The following RAD18 variants were observed in gnomAD, a reference collection of about 807,000 sequenced individuals.
RAD18 encodes RAD18 E3 ubiquitin protein ligase.
RAD18 carries 47 observed loss-of-function variants against 60.4 expected under a neutral mutation model. The ratio of observed to expected loss-of-function variants is 0.78; its 90% CI spans 0.62 to 0.99. The LOEUF is 0.99. Among genes scored for constraint, RAD18 ranks in the 50% least tolerant of loss-of-function variants. RAD18 has a pLI of 0.00. For missense variants in RAD18, 640 were observed against 593.3 expected (o/e 1.08, Z -0.82); for synonymous variants, 225 against 195.5 (o/e 1.15, Z -1.26).
intron 2 of RAD18, among the ~76,000 whole-genome samples, chr3:8,949,120 A>G (rs1184102472): frequency 6.6e-6 from 1 of 152,216 alleles, no homozygotes. Flanking sequence ...ATTACAGCAT[A>G]ATTCCGCATA....
At chr3:8,960,440 T>C (rs1387595185) in intron 1 of RAD18, among the ~76,000 whole-genome samples, 1 of 152,198 alleles carries the variant, frequency 6.6e-6, no homozygotes, top group Admixed American at 6.5e-5. Flanking sequence ...TTATTTTATG[T>C]GTATTTTGAA....
chr3:8,901,672 A>T (rs1400302793), intron 10 of RAD18, among the ~76,000 whole-genome samples: 1 of 152,172 alleles, frequency 6.6e-6, no homozygotes, highest in East Asian at 1.9e-4. Context: ...TTGCTATTTC[A>T]TGAGTGCAAA....
intron 11 of RAD18, among the ~76,000 whole-genome samples, chr3:8,895,637 C>CT (rs58646500): frequency 2.6e-5 from 4 of 151,648 alleles, no homozygotes; most frequent in Non-Finnish European, 4.4e-5. Context: ...TACTTGCTCT[C>CT]TTTTTTTTTT....
chr3:8,955,539 A>T (rs1230574278), intron 2 of RAD18, among the ~76,000 whole-genome samples: 1 of 152,120 alleles, frequency 6.6e-6, no homozygotes, highest in Non-Finnish European at 1.5e-5. Context: ...CAACATTTGA[A>T]CTTTTCAAAG....
At position 8,963,354 on chromosome 3, in the gene RAD18, G is replaced by A. The variant is rs1287259678; in HGVS notation, c.32C>T (p.Pro11Leu). 3.1e-6 allele frequency: 5 copies of A among 1,611,470 alleles called. No homozygotes were observed. The South Asian group carries it at 4.4e-5, about 14-fold the overall frequency. Residue 11 changes from proline (P) to leucine (L), a missense_variant, in exon 1 of 13, where the codon CCG (proline) becomes CTG (leucine). Physicochemically the swap from Pro to Leu is moderately conservative, Grantham distance 98. Coordinates refer to ENST00000264926, the MANE Select transcript of RAD18 (RefSeq NM_020165.4). MDSLAESRWP[P>L]GLAVMKTIDD... is the part of the protein sequence containing the mutation. ...ACTCACCTTCATGACTGCCAGGCCC[G>A]GAGGCCACCGAGACTCGGCCAGGGA...
chr3:8,919,367 G>A (rs573524679), intron 7 of RAD18, among the ~76,000 whole-genome samples: 2 of 151,868 alleles, frequency 1.3e-5, no homozygotes, highest in East Asian at 3.9e-4. Flanking sequence ...GGAAAATCAC[G>A]ACTCGAATGA....
At chr3:8,902,268 C>A in intron 10 of RAD18, 112 bp downstream of exon 10, 1 of 1,023,458 alleles carries the variant, frequency 9.8e-7, no homozygotes, top group Non-Finnish European at 1.3e-6. Context: ...AATACTTTTT[C>A]TCATTTCAAA....
chr3:8,913,963 G>GAGTCA (rs2307528), intron 7 of RAD18, among the ~76,000 whole-genome samples: 108,608 of 151,476 alleles, frequency 0.72, 39,375 homozygotes, highest in Middle Eastern at 0.77. Context: ...ATAACCACAA[G>GAGTCA]AGTCAAGTCA....
In RAD18 at chr3:8,903,964, C is replaced by T. The variant is rs556145537; in HGVS notation, c.1028-1444G>A. Among the ~76,000 whole-genome samples the T allele has an allele frequency of 9.9e-5, 15 of 152,038 alleles. No individual in the cohort carries two copies. In the South Asian group the frequency reaches 2.9e-3, roughly 30 times the overall value. ...TATGGCATTGTCTAAATCTACTCTC[C>T]CAAGATTCCAGCCATTCACTGCCTT... On this transcript the variant is annotated intron_variant, in intron 9 of 12. Transcript: ENST00000264926.
intron 7 of RAD18, among the ~76,000 whole-genome samples, chr3:8,913,927 T>C (rs1940152239): frequency 6.6e-6 from 1 of 151,596 alleles, no homozygotes; most frequent in Non-Finnish European, 1.5e-5. Context: ...CACTGAACTC[T>C]TACACATGCA....
chr3:8,905,912 C>T (rs929465868), intron 9 of RAD18, among the ~76,000 whole-genome samples: 2 of 152,190 alleles, frequency 1.3e-5, no homozygotes, highest in Admixed American at 6.5e-5. Flanking sequence ...ATCTTCCAAG[C>T]ACCAATATAC....
rs45527635 is a variant in RAD18 at position 8,889,658 on chromosome 3, G to A, written c.1385+731C>T. On this transcript the variant is annotated intron_variant, in intron 12 of 12. Transcript: ENST00000264926. ...GTGGGAGAGAGCTTTTCATGCAGGA[G>A]GACCTAAGACATCTATATGATGAAG... 3.0e-4 allele frequency among the ~76,000 whole-genome samples: 45 copies of A among 152,222 alleles called. No homozygotes were observed. The East Asian group carries it at 8.5e-3, about 29-fold the overall frequency.
intron 9 of RAD18, among the ~76,000 whole-genome samples, chr3:8,905,598 A>G (rs1939989776): frequency 6.6e-6 from 1 of 152,228 alleles, no homozygotes. Context: ...ATAGCCAACC[A>G]GCTAAATGTG....
Position 8,922,258 on chromosome 3 carries a change from C to T in RAD18, c.890-8538G>A, listed in dbSNP as rs560519368. Reference sequence around the variant, plus strand: ...CCACCCTACTACTGCACTTCTCCAACGGTCTTAGCAAACAGCGCACCAGGA... The same window carrying T: ...CCACCCTACTACTGCACTTCTCCAATGGTCTTAGCAAACAGCGCACCAGGA... On this transcript the variant is annotated intron_variant, in intron 7 of 12. Coordinates refer to ENST00000264926, the MANE Select transcript of RAD18 (RefSeq NM_020165.4). 1.8e-4 allele frequency among the ~76,000 whole-genome samples: 28 copies of T among 152,350 alleles called. No homozygotes were observed. The South Asian group carries it at 2.9e-3, about 16-fold the overall frequency.
At chr3:8,883,840 A>G (rs952219255) in intron 12 of RAD18, among the ~76,000 whole-genome samples, 32 of 152,168 alleles carry the variant, frequency 2.1e-4, no homozygotes, top group African/African-American at 6.8e-4. Flanking sequence ...GTTATCTACC[A>G]CCTCAGACAG....
intron 7 of RAD18, among the ~76,000 whole-genome samples, chr3:8,929,023 C>A (rs982261894): frequency 5.3e-5 from 8 of 151,962 alleles, no homozygotes; most frequent in South Asian, 2.1e-4. Context: ...GAATACACAA[C>A]AAAAATTAGA....
chr3:8,883,430 T>C (rs139325705), intron 12 of RAD18, among the ~76,000 whole-genome samples: 55 of 152,340 alleles, frequency 3.6e-4, no homozygotes, highest in African/African-American at 1.3e-3. Context: ...TTGTTGTATA[T>C]GGCAACTAAA....
chr3:8,912,939 A>C (rs751172301), intron 8 of RAD18, among the ~76,000 whole-genome samples: 6 of 152,190 alleles, frequency 3.9e-5, no homozygotes, highest in Non-Finnish European at 8.8e-5. Context: ...TAATAGGGTC[A>C]ATGTAAATCC....
rs527342429 is a variant in RAD18, at chr3:8,935,370, A to T, written c.889+501T>A. Among the ~76,000 whole-genome samples, 3 of 152,392 alleles carry T rather than the reference A, an allele frequency of 2.0e-5. No homozygotes were observed. In the South Asian group the frequency reaches 6.2e-4, roughly 32 times the overall value. On this transcript the variant is annotated intron_variant, in intron 7 of 12. Transcript: ENST00000264926. Reference sequence around the variant, plus strand: ...TGAAAAGGATATATGTTTGTGTACAATAATCATAATGGCAACATTTACTGA... The same window carrying T: ...TGAAAAGGATATATGTTTGTGTACATTAATCATAATGGCAACATTTACTGA...
Sources: gnomAD v4.1 joint callset for allele counts (sites outside exome capture counted in the v4.1 genomes callset) on GRCh38, gnomAD v4.1.1 for gene constraint, MANE v1.5 for transcripts, NCBI Gene and HGNC (gene_info 2026-07-23, HGNC 2026-07-21) for gene names.